The following DENND1B variants were observed in gnomAD, a reference collection of about 807,000 sequenced individuals.
DENND1B encodes DENN domain containing 1B, also known as DENN domain-containing protein 1B.
DENND1B carries 59 observed loss-of-function variants against 90.1 expected under a neutral mutation model. The observed-to-expected ratio is 0.65, with a 90% CI of 0.53 to 0.81. DENND1B has a LOEUF of 0.81. DENND1B is among the 40% of genes least tolerant of loss of function. DENND1B has a pLI of 0.00. For synonymous variants in DENND1B, 337 were observed against 324.6 expected, an observed-to-expected ratio of 1.04 and a Z score of -0.41; for missense variants, 862 against 912.6, an observed-to-expected ratio of 0.94 and a Z score of 0.71.
At chr1:197,760,549 G>A (rs1654912091) in intron 2 of DENND1B, among the ~76,000 whole-genome samples, 1 of 151,400 alleles carries the variant, frequency 6.6e-6, no homozygotes, top group East Asian at 2.0e-4. Context: ...GCTGAGGTGG[G>A]AAGATCATGC....
chr1:197,628,081 A>G (rs375591656), intron 10 of DENND1B, among the ~76,000 whole-genome samples: 1 of 152,148 alleles, frequency 6.6e-6, no homozygotes, highest in African/African-American at 2.4e-5. Flanking sequence ...AATCAATATC[A>G]TGAAAATGGC....
chr1:197,668,654 A>G (rs1344984999), intron 5 of DENND1B, among the ~76,000 whole-genome samples: 2 of 151,502 alleles, frequency 1.3e-5, no homozygotes. Context: ...TTTCAAGTAC[A>G]TATACATTGT....
chr1:197,596,742 C>T (rs1675736805), intron 13 of DENND1B, among the ~76,000 whole-genome samples: 1 of 151,640 alleles, frequency 6.6e-6, no homozygotes, highest in Non-Finnish European at 1.5e-5. Context: ...TGCAAGTAGC[C>T]CTGACTTTGC....
At chr1:197,515,376 A>G (rs1668323944) in intron 20 of DENND1B, among the ~76,000 whole-genome samples, 1 of 151,712 alleles carries the variant, frequency 6.6e-6, no homozygotes, top group Admixed American at 6.6e-5. Flanking sequence ...GAACAAAGCC[A>G]CCACTCACAG....
intron 2 of DENND1B, among the ~76,000 whole-genome samples, chr1:197,730,810 A>T (rs933747711): frequency 5.9e-5 from 9 of 152,080 alleles, no homozygotes; most frequent in Admixed American, 2.6e-4. Flanking sequence ...CCTTGACCTT[A>T]AGAACTTTTA....
chr1:197,537,244 T>A (rs550615843), intron 20 of DENND1B, among the ~76,000 whole-genome samples: 13 of 152,292 alleles, frequency 8.5e-5, no homozygotes, highest in Middle Eastern at 3.4e-3. Context: ...GTTTAATCAA[T>A]TCTTATACAC....
intron 15 of DENND1B, among the ~76,000 whole-genome samples, chr1:197,576,295 A>G (rs571888338): frequency 5.5e-4 from 83 of 152,224 alleles, no homozygotes; most frequent in Non-Finnish European, 8.7e-4. Context: ...TTAGAATAGG[A>G]AATTGGAAAG....
In DENND1B at chr1:197,642,790, T is replaced by C; in HGVS notation, c.593A>G (p.Asp198Gly). Residue 198 changes from aspartate (D) to glycine (G), a missense_variant, in exon 10 of 23, where the codon GAT becomes GGT. Coordinates refer to ENST00000620048, the MANE Select transcript of DENND1B (RefSeq NM_001195215.2). ...RNLTEYFVAV[D>G]VNNMLQLYAS... ...ATACAGCTGCAGCATGTTGTTCACA[T>C]CCACGGCAACAAAATATTCTGTAAG... 6.2e-7 allele frequency: 1 copy of C among 1,613,502 alleles called. No individual in the cohort carries two copies. The highest frequency in any genetic ancestry group is 8.5e-7 in the Non-Finnish European group (1 of 1,179,706).
chr1:197,633,502 C>A (rs1393165768), intron 10 of DENND1B, among the ~76,000 whole-genome samples: 1 of 152,178 alleles, frequency 6.6e-6, no homozygotes, highest in Admixed American at 6.5e-5. Context: ...TCCAGTGAGA[C>A]ACTCTGCAGG....
rs183951947 is a variant in DENND1B at position 197,517,355 on chromosome 1, A to G, written c.1516-4402T>C. On this transcript the variant is annotated intron_variant, in intron 20 of 22. Transcript: ENST00000620048. Reference sequence around the variant, plus strand: ...TGCCTTTCATTCATTAGGTCCTGCAAGTTCAAGGTCTGCACCCTAGGGTTC... The same window carrying G: ...TGCCTTTCATTCATTAGGTCCTGCAGGTTCAAGGTCTGCACCCTAGGGTTC... 2.6e-5 allele frequency among the ~76,000 whole-genome samples: 4 copies of G among 152,016 alleles called. No individual in the cohort carries two copies. The East Asian group carries it at 7.8e-4, about 30-fold the overall frequency.
intron 3 of DENND1B, 78 bp downstream of exon 3, chr1:197,714,953 T>A: frequency 9.4e-7 from 1 of 1,065,520 alleles, no homozygotes. Context: ...GTAGTTATAC[T>A]AGCAACAGCA....
intron 15 of DENND1B, among the ~76,000 whole-genome samples, chr1:197,578,434 G>A (rs1335457348): frequency 2.0e-5 from 3 of 151,886 alleles, no homozygotes; most frequent in Non-Finnish European, 4.4e-5. Context: ...TATTAGAGAC[G>A]GGGTTTCACC....
At chr1:197,544,960 A>AAGGAGG (rs1670664272) in intron 18 of DENND1B, among the ~76,000 whole-genome samples, 3 of 46,462 alleles carry the variant, frequency 6.5e-5, no homozygotes, top group Admixed American at 2.7e-4. Context: ...GAGAAGGGAG[A>AAGGAGG]AGGAGAAGGA....
At chr1:197,523,077 C>T (rs190885336) in intron 20 of DENND1B, among the ~76,000 whole-genome samples, 2 of 152,152 alleles carry the variant, frequency 1.3e-5, no homozygotes, top group Non-Finnish European at 2.9e-5. Flanking sequence ...GTACAGGAGA[C>T]TGAAAAGCAC....
At chr1:197,719,262 T>G (rs1043384361) in intron 2 of DENND1B, among the ~76,000 whole-genome samples, 1 of 152,094 alleles carries the variant, frequency 6.6e-6, no homozygotes, top group African/African-American at 2.4e-5. Context: ...TTTTTTCTTT[T>G]GACTGGTACA....
At chr1:197,705,940 G>T (rs1402844997) in intron 3 of DENND1B, among the ~76,000 whole-genome samples, 1 of 152,058 alleles carries the variant, frequency 6.6e-6, no homozygotes, top group Non-Finnish European at 1.5e-5. Context: ...CATGGTCAAA[G>T]GTTGTACTAG....
chr1:197,652,128 T>C, intron 7 of DENND1B, 107 bp downstream of exon 7: 1 of 840,282 alleles, frequency 1.2e-6, no homozygotes, highest in East Asian at 2.7e-5. Context: ...GAAGTCTTCC[T>C]GGAAGCAGAG....
intron 14 of DENND1B, among the ~76,000 whole-genome samples, chr1:197,586,142 T>C (rs1027945709): frequency 2.0e-5 from 3 of 152,180 alleles, no homozygotes; most frequent in Admixed American, 6.5e-5. Context: ...TCACTCTCAT[T>C]TTCTCCTGAG....
At chr1:197,684,092 T>C (rs77994505) in intron 3 of DENND1B, among the ~76,000 whole-genome samples, 2,661 of 152,312 alleles carry the variant, frequency 0.017, 74 homozygotes, top group African/African-American at 0.06. Flanking sequence ...CTGATAGACA[T>C]TTCAAGTAAT....
Sources: allele counts gnomAD v4.1 joint callset (sites outside exome capture counted in the v4.1 genomes callset), GRCh38; gene constraint gnomAD v4.1.1; transcripts MANE v1.5; gene names NCBI Gene and HGNC (gene_info 2026-07-23, HGNC 2026-07-21).